GTPBP10: variants seen among roughly 807,000 people sequenced by gnomAD.
The protein encoded by GTPBP10 is GTP-binding protein 10.
A neutral mutation model predicts 44.8 loss-of-function variants in GTPBP10; 38 were observed. That is an observed-to-expected ratio of 0.85 (90% CI 0.65 to 1.11). The LOEUF is 1.11. Among genes scored for constraint, GTPBP10 ranks in the 50% most tolerant of loss-of-function variants. The pLI is 0.00. For synonymous variants in GTPBP10, 152 were observed against 150.6 expected (o/e 1.01, Z -0.07); for missense variants, 462 against 453.7 (o/e 1.02, Z -0.17).
chr7:90,368,714 A>G (rs1056218927), intron 4 of GTPBP10, among the ~76,000 whole-genome samples: 2 of 152,198 alleles, frequency 1.3e-5, no homozygotes, highest in Non-Finnish European at 2.9e-5. Flanking sequence ...GAAGGTTTTT[A>G]GCTTCTTTGC....
In GTPBP10 at chr7:90,355,084, A is replaced by T; in HGVS notation, c.320-2A>T. Reference sequence around the variant, plus strand: ...GTAAGTATTTCTCTCCCTCTTTTTAAGGAGAACTCAATAAAGAAAATGACA... The same window carrying T: ...GTAAGTATTTCTCTCCCTCTTTTTATGGAGAACTCAATAAAGAAAATGACA... On this transcript the variant is annotated splice_acceptor_variant, in intron 3 of 9. Coordinates refer to ENST00000222511, the MANE Select transcript of GTPBP10 (RefSeq NM_033107.4). LOFTEE classifies it high-confidence loss of function. 6.5e-7 allele frequency: 1 copy of T among 1,547,700 alleles called. No homozygotes were observed. Among genetic ancestry groups the T allele is most frequent in the Non-Finnish European group, 8.8e-7 (1 of 1,131,282 alleles).
intron 4 of GTPBP10, among the ~76,000 whole-genome samples, chr7:90,361,895 T>G (rs1272184751): frequency 6.6e-6 from 1 of 152,260 alleles, no homozygotes; most frequent in Non-Finnish European, 1.5e-5. Context: ...CCGTTTCTTC[T>G]AGATTTTCTA....
At chr7:90,370,849 CA>C (rs201542806) in intron 4 of GTPBP10, among the ~76,000 whole-genome samples, 93 of 151,538 alleles carry the variant, frequency 6.1e-4, no homozygotes, top group African/African-American at 2.1e-3. Flanking sequence ...ACTGAAAATA[CA>C]AAAAAAATTA....
At chr7:90,367,298 G>A (rs1406245503) in intron 4 of GTPBP10, among the ~76,000 whole-genome samples, 1 of 152,174 alleles carries the variant, frequency 6.6e-6, no homozygotes, top group Non-Finnish European at 1.5e-5. Flanking sequence ...TGTCTATTAG[G>A]TCTGGTTGGT....
At chr7:90,374,432 T>G (rs992428363) in intron 6 of GTPBP10, 78 bp downstream of exon 6, 7 of 929,180 alleles carry the variant, frequency 7.5e-6, no homozygotes, top group Non-Finnish European at 1.0e-5. Context: ...TATTATAGTT[T>G]TTGCCTGTTT....
chr7:90,359,978 A>T (rs1241279041), intron 4 of GTPBP10, among the ~76,000 whole-genome samples: 1 of 151,826 alleles, frequency 6.6e-6, no homozygotes, highest in Non-Finnish European at 1.5e-5. Context: ...CCACTTTTTG[A>T]TGGGGTTGTT....
chr7:90,347,023 A>G (rs909793104), intron 1 of GTPBP10, among the ~76,000 whole-genome samples: 1 of 152,180 alleles, frequency 6.6e-6, no homozygotes, highest in East Asian at 1.9e-4. Flanking sequence ...CATAGTGTGC[A>G]CGTGGTATGA....
intron 1 of GTPBP10, among the ~76,000 whole-genome samples, chr7:90,351,858 G>T (rs1021948276): frequency 6.6e-6 from 1 of 152,192 alleles, no homozygotes; most frequent in South Asian, 2.1e-4. Flanking sequence ...ACCACGCCTG[G>T]CTAGTTTTTT....
intron 6 of GTPBP10, 109 bp downstream of exon 6, chr7:90,374,463 AAG>A: frequency 1.5e-6 from 1 of 679,274 alleles, no homozygotes; most frequent in Admixed American, 2.6e-5. Flanking sequence ...AGGGGAGAAA[AAG>A]TAACAAGATT....
intron 1 of GTPBP10, among the ~76,000 whole-genome samples, chr7:90,350,129 C>T (rs1459858407): frequency 6.6e-6 from 1 of 152,076 alleles, no homozygotes; most frequent in African/African-American, 2.4e-5. Context: ...CCCAAGTGTT[C>T]TCATTGTTCA....
At chr7:90,360,635 T>A (rs982409342) in intron 4 of GTPBP10, among the ~76,000 whole-genome samples, 1 of 152,190 alleles carries the variant, frequency 6.6e-6, no homozygotes, top group Non-Finnish European at 1.5e-5. Flanking sequence ...CTTTTTTGTT[T>A]CCATACGAAC....
Position 90,374,307 on chromosome 7 carries a change from A to G in GTPBP10, c.544A>G (p.Thr182Ala). 6.3e-7 allele frequency: 1 copy of G among 1,595,496 alleles called. No individual in the cohort carries two copies. Among genetic ancestry groups the G allele is most frequent in the Non-Finnish European group, 8.6e-7 (1 of 1,163,924 alleles). Residue 182 changes from threonine to alanine, a missense_variant, in exon 6 of 10, where the codon ACA becomes GCA. By Grantham distance (58) the Thr-to-Ala change is moderately conservative. Coordinates refer to ENST00000222511, the MANE Select transcript of GTPBP10 (RefSeq NM_033107.4). Reference sequence around the variant, plus strand: ...ATTGCTGTGTTTCCTTTTAGTTACAACATTAAAGCCTGAACTTGGAAAGAT... The same window carrying G: ...ATTGCTGTGTTTCCTTTTAGTTACAGCATTAAAGCCTGAACTTGGAAAGAT... The part of the protein sequence containing the change: ...KPAIADYAFT[T>A]LKPELGKIMY...
At chr7:90,367,528 T>C (rs1796158853) in intron 4 of GTPBP10, among the ~76,000 whole-genome samples, 1 of 152,220 alleles carries the variant, frequency 6.6e-6, no homozygotes, top group African/African-American at 2.4e-5. Context: ...CCTTTACCAT[T>C]ATGTAATGGC....
chr7:90,365,872 C>T (rs557792223), intron 4 of GTPBP10, among the ~76,000 whole-genome samples: 70 of 152,296 alleles, frequency 4.6e-4, no homozygotes, highest in Non-Finnish European at 9.1e-4. Flanking sequence ...TCCAGTTTTT[C>T]TTATTCCGTA....
chr7:90,382,470 C>T (rs1017882449), intron 8 of GTPBP10, among the ~76,000 whole-genome samples: 2 of 152,098 alleles, frequency 1.3e-5, no homozygotes, highest in African/African-American at 4.8e-5. Context: ...GTCATGTAGG[C>T]TAGAGTGCAG....
chr7:90,359,473 A>G (rs1188342668), intron 4 of GTPBP10, among the ~76,000 whole-genome samples: 2 of 152,106 alleles, frequency 1.3e-5, no homozygotes, highest in African/African-American at 2.4e-5. Flanking sequence ...ACATGAACTC[A>G]TCTTTTTTTA....
chr7:90,374,692 T>C (rs1216146541), intron 6 of GTPBP10, among the ~76,000 whole-genome samples: 1 of 152,230 alleles, frequency 6.6e-6, no homozygotes, highest in Admixed American at 6.5e-5. Context: ...GTAATGATTT[T>C]ATTCCAACTT....
At position 90,361,244 on chromosome 7, in the gene GTPBP10, C is replaced by T. The variant is rs1796014285; in HGVS notation, c.464+6014C>T. 2.0e-5 allele frequency among the ~76,000 whole-genome samples: 3 copies of T among 152,138 alleles called. No homozygotes were observed. The South Asian group carries it at 6.2e-4, about 32-fold the overall frequency. ...AAAGGGAGTGCTTCCAGTTTTTGTCCATTCAGTAATGATATTGGCTGTGGG... is the reference window on the plus strand; with the variant it reads ...AAAGGGAGTGCTTCCAGTTTTTGTCTATTCAGTAATGATATTGGCTGTGGG... On this transcript the variant is annotated intron_variant, in intron 4 of 9. Coordinates refer to ENST00000222511, the MANE Select transcript of GTPBP10 (RefSeq NM_033107.4).
At chr7:90,380,781 C>A (rs2115764689) in intron 8 of GTPBP10, among the ~76,000 whole-genome samples, 1 of 152,156 alleles carries the variant, frequency 6.6e-6, no homozygotes, top group South Asian at 2.1e-4. Context: ...TCCATTTGAC[C>A]AACACCCCTC....
Sources: gnomAD v4.1 joint callset for allele counts (sites outside exome capture counted in the v4.1 genomes callset) on GRCh38, gnomAD v4.1.1 for gene constraint, MANE v1.5 for transcripts, NCBI Gene and HGNC (gene_info 2026-07-23, HGNC 2026-07-21) for gene names.